Variants in TASP1 observed in about 807,000 individuals in gnomAD.
The protein encoded by TASP1 is threonine aspartase 1.
A neutral mutation model predicts 56.6 loss-of-function variants in TASP1; 16 were observed. The ratio of observed to expected loss-of-function variants is 0.28; its 90% CI spans 0.19 to 0.43. The LOEUF (loss-of-function observed/expected upper bound fraction) is 0.43, where lower values mean the gene tolerates loss of function less well. TASP1 is among the 20% of genes least tolerant of loss of function. The pLI is 1.00. For missense variants in TASP1, 393 were observed against 511.6 expected (o/e 0.77, Z 2.24); for synonymous variants, 179 against 184.2 (o/e 0.97, Z 0.23).
intron 10 of TASP1, among the ~76,000 whole-genome samples, chr20:13,502,949 CAA>C (rs1448834997): frequency 3.3e-5 from 5 of 152,044 alleles, no homozygotes; most frequent in Non-Finnish European, 7.4e-5. Flanking sequence ...AGCTCAGTGC[CAA>C]AAGAGATACC....
the TASP1 span, chr20:13,299,544 T>G: frequency 8.0e-7 from 1 of 1,242,490 alleles, no homozygotes; most frequent in South Asian, 1.4e-5. This position sits in a 1 kb window ranked among gnomAD's most constrained non-coding sequence, Gnocchi z 5.8. Context: ...CGCCGAGACC[T>G]TCATAGCTGC....
the TASP1 span, among the ~76,000 whole-genome samples, chr20:13,265,178 A>T: frequency 1.3e-5 from 2 of 151,776 alleles, no homozygotes; most frequent in Non-Finnish European, 2.9e-5. Flanking sequence ...GACCTGAGAG[A>T]CTCCTTCACC....
At chr20:13,611,751 G>A (rs1046583847) in intron 4 of TASP1, among the ~76,000 whole-genome samples, 6 of 152,198 alleles carry the variant, frequency 3.9e-5, no homozygotes, top group African/African-American at 1.4e-4. Context: ...AGAACCAGCT[G>A]TCACTTAGCT....
intron 8 of TASP1, among the ~76,000 whole-genome samples, chr20:13,549,930 G>GGTAA (rs2045923283): frequency 6.6e-6 from 1 of 151,912 alleles, no homozygotes; most frequent in African/African-American, 2.4e-5. Context: ...ACAAACCACA[G>GGTAA]GTTACTTCCG....
chr20:13,546,412 A>T (rs183224461), intron 8 of TASP1, among the ~76,000 whole-genome samples: 4 of 152,356 alleles, frequency 2.6e-5, no homozygotes, highest in African/African-American at 9.6e-5. Flanking sequence ...CACAGAAAAG[A>T]CAACAATGCT....
At chr20:13,580,648 A>C (rs1347501503) in intron 6 of TASP1, among the ~76,000 whole-genome samples, 1 of 152,178 alleles carries the variant, frequency 6.6e-6, no homozygotes, top group Non-Finnish European at 1.5e-5. Flanking sequence ...TCTGGACTAC[A>C]ATGTGTAAGT....
chr20:13,197,189 T>C, the TASP1 span, among the ~76,000 whole-genome samples: 3 of 152,222 alleles, frequency 2.0e-5, no homozygotes, highest in Non-Finnish European at 2.9e-5. Flanking sequence ...AATTACGTTT[T>C]GTGGTTCTCT....
chr20:13,354,790 C>G, the TASP1 span, among the ~76,000 whole-genome samples: 1 of 151,776 alleles, frequency 6.6e-6, no homozygotes, highest in Non-Finnish European at 1.5e-5. Flanking sequence ...AGGGATCCGG[C>G]AGGAAGGTCT....
At chr20:13,223,892 G>A in the TASP1 span, among the ~76,000 whole-genome samples, 101 of 152,248 alleles carry the variant, frequency 6.6e-4, no homozygotes, top group African/African-American at 2.2e-3. Flanking sequence ...AAGTAAATTT[G>A]GCAGATTACT....
chr20:13,259,053 C>T, the TASP1 span, among the ~76,000 whole-genome samples: 9 of 152,044 alleles, frequency 5.9e-5, no homozygotes, highest in East Asian at 1.9e-4. Flanking sequence ...GAGGCCGAGG[C>T]GGGTGGATCA....
At chr20:13,492,054 G>T (rs963046927) in intron 10 of TASP1, among the ~76,000 whole-genome samples, 7 of 152,282 alleles carry the variant, frequency 4.6e-5, no homozygotes, top group African/African-American at 1.7e-4. Flanking sequence ...AGGGGAAAAA[G>T]TGAAGTTGCA....
intron 7 of TASP1, among the ~76,000 whole-genome samples, chr20:13,563,707 G>A (rs1225770149): frequency 6.9e-6 from 1 of 144,634 alleles, no homozygotes; most frequent in Non-Finnish European, 1.5e-5. Context: ...GCCTCACTAT[G>A]TTGCCCAGGC....
chr20:13,578,034 C>T (rs1206167667), intron 6 of TASP1, among the ~76,000 whole-genome samples: 2 of 152,292 alleles, frequency 1.3e-5, no homozygotes, highest in East Asian at 3.9e-4. Flanking sequence ...AATGCTGGAG[C>T]ATACAGTGTC....
intron 11 of TASP1, among the ~76,000 whole-genome samples, chr20:13,458,700 T>C (rs2043938694): frequency 6.6e-6 from 1 of 152,238 alleles, no homozygotes; most frequent in East Asian, 1.9e-4. Flanking sequence ...ATTCACTTTC[T>C]TGACCCATCC....
the TASP1 span, among the ~76,000 whole-genome samples, chr20:13,135,425 G>A: frequency 6.6e-6 from 1 of 152,068 alleles, no homozygotes; most frequent in African/African-American, 2.4e-5. Context: ...TTGATGACAT[G>A]GTGTTGAAAT....
chr20:13,138,583 T>C, the TASP1 span, among the ~76,000 whole-genome samples: 1 of 152,248 alleles, frequency 6.6e-6, no homozygotes, highest in African/African-American at 2.4e-5. Flanking sequence ...TACTTGGGAC[T>C]AAGCAGATTT....
chr20:13,435,071 A>T lies in TASP1; in HGVS notation c.1069T>A (p.Ser357Thr). ...RSCRCSAEPD[S>T]SQNKQTLLVE... is the part of the protein sequence containing the mutation. ...AGAAGTGTCTGCTTATTTTGGGAGG[A>T]GTCAGGCTCGGCAGAACATCTGCAT... Residue 357 changes from serine (S) to threonine (T), a missense_variant, in exon 12 of 14, where the codon TCC becomes ACC. Ser to Thr is a moderately conservative substitution (Grantham distance 58). Transcript: ENST00000337743. 2 of 1,611,320 alleles carry T rather than the reference A, an allele frequency of 1.2e-6. No individual in the cohort carries two copies. Among genetic ancestry groups the T allele is most frequent in the South Asian group, 2.2e-5 (2 of 90,454 alleles).
the TASP1 span, chr20:13,133,187 C>T: frequency 1.3e-5 from 2 of 152,262 alleles, no homozygotes; most frequent in Non-Finnish European, 2.9e-5. Flanking sequence ...GCCCTAATCC[C>T]ACACTCTGTT....
the TASP1 span, among the ~76,000 whole-genome samples, chr20:13,348,593 T>C: frequency 6.6e-6 from 1 of 152,202 alleles, no homozygotes; most frequent in Non-Finnish European, 1.5e-5. Context: ...ACTCAAATGG[T>C]ATGAATTTTT....
Sources: gnomAD v4.1 joint callset for allele counts (sites outside exome capture counted in the v4.1 genomes callset) on GRCh38, gnomAD v4.1.1 for gene constraint, Gnocchi (gnomAD v3.1) non-coding constraint, MANE v1.5 for transcripts, NCBI Gene and HGNC (gene_info 2026-07-23, HGNC 2026-07-21) for gene names.